ANO10: variants seen among roughly 807,000 people sequenced by gnomAD.
ANO10 encodes anoctamin-10.
A neutral mutation model predicts 74.7 loss-of-function variants in ANO10; 77 were observed. The observed-to-expected ratio is 1.03, with a 90% CI of 0.86 to 1.25. The LOEUF (loss-of-function observed/expected upper bound fraction) is 1.25, where lower values mean the gene tolerates loss of function less well. ANO10 is among the 50% of genes most tolerant of loss of function. ANO10 has a pLI of 0.00. For missense variants in ANO10, 721 were observed against 778.1 expected (o/e 0.93, Z 0.87); for synonymous variants, 279 against 284.9 (o/e 0.98, Z 0.21).
At position 43,580,482 on chromosome 3, in the gene ANO10, GA is replaced by G; in HGVS notation, c.473-11del. Reference sequence around the variant, plus strand: ...GTGAGCAATCTTCTCACTGCACAGGGAAAATGTGCCAAACTGCATGAAATGG... The same window carrying G: ...GTGAGCAATCTTCTCACTGCACAGGGAAATGTGCCAAACTGCATGAAATGG... On this transcript the variant is annotated splice_polypyrimidine_tract_variant and intron_variant, in intron 4 of 12. Coordinates refer to ENST00000292246, the MANE Select transcript of ANO10 (RefSeq NM_018075.5). 1 of 1,612,952 alleles carries G rather than the reference GA, an allele frequency of 6.2e-7. No individual in the cohort carries two copies.
At position 43,676,399 on chromosome 3, in the gene ANO10, G is replaced by A. The variant is rs560428667; in HGVS notation, c.-12+15118C>T. ...TGTTTAAGCATAGATGATCAAGGCC[G>A]TACTGAGCCAGGTTTGCACCTGCAC... is the stretch of plus-strand genomic sequence containing the variant. On this transcript the variant is annotated intron_variant, in intron 1 of 3. Transcript: ENST00000413397. Among the ~76,000 whole-genome samples, 28 of 152,150 alleles carry A rather than the reference G, an allele frequency of 1.8e-4. No homozygotes were observed. In the South Asian group the frequency reaches 2.9e-3, roughly 16 times the overall value.
At chr3:43,689,257 T>G (rs2084318600) in intron 1 of ANO10, 1 of 152,240 alleles carries the variant, frequency 6.6e-6, no homozygotes, top group African/African-American at 2.4e-5. Context: ...CTTACCTACC[T>G]GCCCTTAGGT....
At chr3:43,541,648 A>G (rs1210492380) in intron 11 of ANO10, among the ~76,000 whole-genome samples, 1 of 152,238 alleles carries the variant, frequency 6.6e-6, no homozygotes, top group Non-Finnish European at 1.5e-5. Context: ...TCATTCATTA[A>G]TTAATAAACG....
intron 1 of ANO10, among the ~76,000 whole-genome samples, chr3:43,613,827 T>C (rs1236072861): frequency 6.6e-6 from 1 of 152,152 alleles, no homozygotes; most frequent in African/African-American, 2.4e-5. Flanking sequence ...GTAAATAAAG[T>C]CTACACCTTG....
intron 11 of ANO10, among the ~76,000 whole-genome samples, chr3:43,477,511 G>C (rs557293612): frequency 6.6e-6 from 1 of 152,094 alleles, no homozygotes; most frequent in Non-Finnish European, 1.5e-5. Context: ...TATATTTTAA[G>C]TGCTAAATCA....
chr3:43,531,915 A>G (rs1217593222), intron 11 of ANO10, among the ~76,000 whole-genome samples: 2 of 151,424 alleles, frequency 1.3e-5, no homozygotes, highest in Non-Finnish European at 2.9e-5. Flanking sequence ...AAAAAAAAAC[A>G]AAACCCATAG....
At chr3:43,437,320 T>C (rs548804186) in intron 11 of ANO10, among the ~76,000 whole-genome samples, 3 of 152,296 alleles carry the variant, frequency 2.0e-5, no homozygotes, top group African/African-American at 7.2e-5. Context: ...AATGTCAGAT[T>C]TGACCCCACA....
At chr3:43,418,004 C>A (rs113223950) in intron 12 of ANO10, among the ~76,000 whole-genome samples, 1 of 152,180 alleles carries the variant, frequency 6.6e-6, no homozygotes, top group Non-Finnish European at 1.5e-5. Flanking sequence ...GAAGGCCGGG[C>A]GCAGTGGCTC....
intron 1 of ANO10, among the ~76,000 whole-genome samples, chr3:43,667,072 GTTTTTTTTTTT>G (rs55764466): frequency 1.8e-5 from 1 of 56,124 alleles, no homozygotes; most frequent in Non-Finnish European, 3.1e-5. Context: ...TACAATGCAT[GTTTTTTTTTTT>G]TTTTTTTTTT....
chr3:43,689,625 T>G (rs1295208066), intron 1 of ANO10: 1 of 152,226 alleles, frequency 6.6e-6, no homozygotes, highest in Admixed American at 6.5e-5. Flanking sequence ...ACCATTCCTA[T>G]CCTAGAGGAC....
At chr3:43,453,725 C>CTCAT (rs2074991778) in intron 11 of ANO10, among the ~76,000 whole-genome samples, 1 of 152,168 alleles carries the variant, frequency 6.6e-6, no homozygotes, top group Admixed American at 6.5e-5. Flanking sequence ...TTATTCTTTC[C>CTCAT]TCATTCAATT....
chr3:43,600,853 G>T (rs992943680), intron 2 of ANO10, among the ~76,000 whole-genome samples: 1 of 151,962 alleles, frequency 6.6e-6, no homozygotes, highest in Non-Finnish European at 1.5e-5. Context: ...CAATATTTCC[G>T]AGCTCTAGGT....
intron 1 of ANO10, among the ~76,000 whole-genome samples, chr3:43,688,970 T>C (rs1025389130): frequency 2.0e-5 from 3 of 152,060 alleles, no homozygotes; most frequent in Admixed American, 2.0e-4. Flanking sequence ...ACAGGGAGCA[T>C]TTACTCACGG....
chr3:43,560,871 T>C (rs1206044583), intron 9 of ANO10, among the ~76,000 whole-genome samples: 4 of 152,248 alleles, frequency 2.6e-5, no homozygotes, highest in African/African-American at 7.2e-5. Flanking sequence ...TCCATGAGTT[T>C]GAAGTGTCAA....
chr3:43,633,920 A>G (rs1054230221), intron 1 of ANO10, among the ~76,000 whole-genome samples: 1 of 149,324 alleles, frequency 6.7e-6, no homozygotes, highest in African/African-American at 2.5e-5. Flanking sequence ...CAGACTTTTA[A>G]CCCTGGTCTT....
At chr3:43,641,824 G>A (rs191719159) in intron 1 of ANO10, among the ~76,000 whole-genome samples, 17 of 152,264 alleles carry the variant, frequency 1.1e-4, no homozygotes, top group Admixed American at 2.6e-4. Flanking sequence ...GTCATCAAGC[G>A]AGTGTGGGAA....
At chr3:43,655,373 C>A (rs2083836609) in intron 1 of ANO10, among the ~76,000 whole-genome samples, 1 of 152,148 alleles carries the variant, frequency 6.6e-6, no homozygotes, top group South Asian at 2.1e-4. Flanking sequence ...AGTGAAGCTG[C>A]AGACCTTGGC....
intron 12 of ANO10, among the ~76,000 whole-genome samples, chr3:43,379,457 C>T (rs931883250): frequency 8.5e-5 from 13 of 152,164 alleles, no homozygotes; most frequent in Admixed American, 3.3e-4. Context: ...AGGCCCACAT[C>T]GTGAACTTTT....
intron 11 of ANO10, among the ~76,000 whole-genome samples, chr3:43,479,964 G>A (rs902798867): frequency 2.6e-5 from 4 of 152,218 alleles, no homozygotes; most frequent in East Asian, 1.9e-4. Context: ...TCCACTAAAA[G>A]AGGAATTAGG....
Sources: gnomAD v4.1 joint callset for allele counts (sites outside exome capture counted in the v4.1 genomes callset) on GRCh38, gnomAD v4.1.1 for gene constraint, MANE v1.5 for transcripts, NCBI Gene and HGNC (gene_info 2026-07-23, HGNC 2026-07-21) for gene names.